The following MAPK10 variants were observed in gnomAD, a reference collection of about 807,000 sequenced individuals.
MAPK10 encodes mitogen-activated protein kinase 10, also known as JNK3 alpha protein kinase.
In MAPK10, 25 loss-of-function variants were observed where a neutral mutation model predicts 59.3. That is an observed-to-expected ratio of 0.42 (90% confidence interval 0.31 to 0.59). The LOEUF is 0.59. MAPK10 is among the 20% of genes least tolerant of loss of function. The pLI is 0.15. For missense variants in MAPK10, 351 were observed against 568.9 expected, an observed-to-expected ratio of 0.62 and a Z score of 3.90; for synonymous variants, 190 against 200.5, an observed-to-expected ratio of 0.95 and a Z score of 0.44.
intron 2 of MAPK10, among the ~76,000 whole-genome samples, chr4:86,236,551 G>C (rs1007454934): frequency 6.6e-6 from 1 of 152,206 alleles, no homozygotes; most frequent in Non-Finnish European, 1.5e-5. Flanking sequence ...GTCTTAAGAA[G>C]AGTGATATGA....
At chr4:86,365,792 A>G (rs981918753) in intron 1 of MAPK10, among the ~76,000 whole-genome samples, 4 of 152,206 alleles carry the variant, frequency 2.6e-5, no homozygotes, top group African/African-American at 9.6e-5. Flanking sequence ...GCTTTCAAAT[A>G]AAACTGTATG....
At chr4:86,472,655 A>G (rs1363279140) in intron 1 of MAPK10, among the ~76,000 whole-genome samples, 1 of 152,196 alleles carries the variant, frequency 6.6e-6, no homozygotes, top group Non-Finnish European at 1.5e-5. Flanking sequence ...TGTCTCCAAA[A>G]AAAAAAAGTT....
At chr4:86,558,022 A>G (rs1760398782) in intron 1 of MAPK10, among the ~76,000 whole-genome samples, 2 of 152,114 alleles carry the variant, frequency 1.3e-5, no homozygotes, top group South Asian at 4.1e-4. Flanking sequence ...CCAAGAAGCA[A>G]TTCTAGTCTG....
rs778606727 is a variant in MAPK10, at chr4:86,125,292, TCAG to T, written c.237-17943_237-17941del. On this transcript the variant is annotated intron_variant, in intron 4 of 13. Coordinates refer to ENST00000641462, the MANE Select transcript of MAPK10 (RefSeq NM_138982.4). ...TGACTTCAGAAAAATATCAGAAATT[TCAG>T]CAGATTAATATACATGAGATGTACC... The T allele has an allele frequency of 9.2e-4, 140 of 151,944 alleles. No homozygotes were observed. The Middle Eastern group carries it at 0.024, about 26-fold the overall frequency. 9.4% of individuals were successfully genotyped at this position (151,944 alleles called of 1,614,324 possible). A position where few individuals can be genotyped will look rare whatever the true frequency, so the allele number is the denominator to read the frequency against.
In MAPK10 at chr4:86,461,128, C is replaced by CTT. The variant is rs34130284; in HGVS notation, c.-262-106486_-262-106485dup. 8.0e-3 allele frequency among the ~76,000 whole-genome samples: 1,177 copies of CTT among 146,776 alleles called. 22 individuals are homozygous for CTT. Among genetic ancestry groups the CTT allele is most frequent in the Admixed American group, 0.048 (714 of 14,738 alleles). ...CTAAGCTGGAGGACACCTGAGTACT[C>CTT]TTTTTTTTTTTTGAAATATTTAAAG... On this transcript the variant is annotated intron_variant, in intron 1 of 4. Transcript: ENST00000502302.
At chr4:86,336,033 G>A (rs1272855274) in intron 2 of MAPK10, among the ~76,000 whole-genome samples, 1 of 152,046 alleles carries the variant, frequency 6.6e-6, no homozygotes, top group Non-Finnish European at 1.5e-5. Flanking sequence ...CCCCTGACTG[G>A]AGATTTGTCA....
intron 4 of MAPK10, among the ~76,000 whole-genome samples, chr4:86,110,924 T>C (rs1358361704): frequency 3.9e-5 from 6 of 151,966 alleles, no homozygotes; most frequent in Non-Finnish European, 8.8e-5. Context: ...TTTGTAGTTC[T>C]CTTTAAAGAA....
intron 2 of MAPK10, among the ~76,000 whole-genome samples, chr4:86,347,663 G>A (rs1295666821): frequency 6.6e-6 from 1 of 152,114 alleles, no homozygotes; most frequent in Non-Finnish European, 1.5e-5. Flanking sequence ...GATACAAATA[G>A]ATCCGGTGTC....
intron 1 of MAPK10, among the ~76,000 whole-genome samples, chr4:86,414,421 C>G (rs944168946): frequency 1.3e-5 from 2 of 152,126 alleles, no homozygotes; most frequent in Admixed American, 6.6e-5. Flanking sequence ...AGGCCTTACG[C>G]TAGAAATTCC....
intron 2 of MAPK10, among the ~76,000 whole-genome samples, chr4:86,311,166 C>T (rs559242852): frequency 6.6e-6 from 1 of 151,918 alleles, no homozygotes; most frequent in South Asian, 2.1e-4. Flanking sequence ...ACACATATTG[C>T]TTGAATAGTA....
chr4:86,242,848 C>A (rs111331674), intron 2 of MAPK10, among the ~76,000 whole-genome samples: 140 of 144,200 alleles, frequency 9.7e-4, no homozygotes, highest in Non-Finnish European at 1.4e-3. Flanking sequence ...CAGGCAGTGG[C>A]AGGTGCTGGA....
At chr4:86,225,887 A>G (rs1365857599) in intron 2 of MAPK10, among the ~76,000 whole-genome samples, 1 of 152,152 alleles carries the variant, frequency 6.6e-6, no homozygotes, top group Non-Finnish European at 1.5e-5. Flanking sequence ...TATCTCCCCT[A>G]ATAGATATGT....
chr4:86,431,512 AATAC>A (rs1748042343), intron 1 of MAPK10, among the ~76,000 whole-genome samples: 1 of 152,352 alleles, frequency 6.6e-6, no homozygotes, highest in Non-Finnish European at 1.5e-5. Flanking sequence ...TCTCCCATAA[AATAC>A]ATACAAAATC....
chr4:86,359,128 ACTT>A (rs936882203), intron 1 of MAPK10, among the ~76,000 whole-genome samples: 3 of 152,132 alleles, frequency 2.0e-5, no homozygotes, highest in African/African-American at 7.2e-5. Context: ...TTTAAATTAT[ACTT>A]CTCACAAAAG....
chr4:86,210,699 A>T (rs1282480764), intron 2 of MAPK10, among the ~76,000 whole-genome samples: 2 of 151,822 alleles, frequency 1.3e-5, no homozygotes, highest in Non-Finnish European at 2.9e-5. Context: ...GTCATACAAA[A>T]AAAAGGGAAG....
intron 9 of MAPK10, among the ~76,000 whole-genome samples, chr4:86,078,604 T>TACACAC (rs35865395): frequency 6.7e-6 from 1 of 149,666 alleles, no homozygotes; most frequent in Non-Finnish European, 1.5e-5. Flanking sequence ...TATATATATA[T>TACACAC]ACACACACAC....
At chr4:86,079,616 A>C (rs895082507) in intron 9 of MAPK10, 4 of 152,214 alleles carry the variant, frequency 2.6e-5, no homozygotes, top group African/African-American at 7.2e-5. Context: ...TCTCTATTTT[A>C]AAGCTGAAAA....
intron 3 of MAPK10, chr4:86,170,965 T>C (rs1459954549): frequency 2.0e-5 from 3 of 151,964 alleles, no homozygotes; most frequent in Non-Finnish European, 4.4e-5. Flanking sequence ...AACCTGCTCC[T>C]GAATGACTAC....
At chr4:86,449,122 G>T (rs1750401777) in intron 1 of MAPK10, among the ~76,000 whole-genome samples, 1 of 151,778 alleles carries the variant, frequency 6.6e-6, no homozygotes. Flanking sequence ...CTCACCTCCT[G>T]CTGTGCAGCC....
Sources: gnomAD v4.1 joint callset for allele counts (sites outside exome capture counted in the v4.1 genomes callset) on GRCh38, gnomAD v4.1.1 for gene constraint, MANE v1.5 for transcripts, NCBI Gene and HGNC (gene_info 2026-07-23, HGNC 2026-07-21) for gene names.